Variants in RAPGEF4 observed in about 807,000 individuals in gnomAD.
RAPGEF4 encodes RAP guanine-nucleotide-exchange factor (GEF) 4.
RAPGEF4 carries 66 observed loss-of-function variants against 147.9 expected under a neutral mutation model. That is an observed-to-expected ratio of 0.45 (90% CI 0.37 to 0.55). The LOEUF is 0.55. Ranked by LOEUF, RAPGEF4 falls within the 20% of genes least tolerant of loss-of-function variation. The pLI, the probability that RAPGEF4 is intolerant of heterozygous loss-of-function variation, is 0.00. For synonymous variants in RAPGEF4, 419 were observed against 442.7 expected (o/e 0.95, Z 0.67); for missense variants, 1,071 against 1,257.3 (o/e 0.85, Z 2.24).
intron 3 of RAPGEF4, among the ~76,000 whole-genome samples, chr2:172,804,690 G>C (rs1220129128): frequency 3.3e-5 from 5 of 152,222 alleles, no homozygotes; most frequent in Admixed American, 3.3e-4. Context: ...AAGGGCACCT[G>C]CTCACAAGCT....
At chr2:172,984,922 T>A (rs2676522) in intron 11 of RAPGEF4, among the ~76,000 whole-genome samples, 53,591 of 151,894 alleles carry the variant, frequency 0.35, 10,510 homozygotes, top group East Asian at 0.76. Context: ...AATTTTTTTT[T>A]AAATGTGAAT....
intron 4 of RAPGEF4, among the ~76,000 whole-genome samples, chr2:172,838,598 A>G (rs1691227999): frequency 6.6e-6 from 1 of 152,116 alleles, no homozygotes; most frequent in Non-Finnish European, 1.5e-5. Flanking sequence ...TCAATTGTAG[A>G]TCTCTTTTAT....
At chr2:172,786,320 C>G (rs1685194182) in intron 1 of RAPGEF4, among the ~76,000 whole-genome samples, 1 of 152,074 alleles carries the variant, frequency 6.6e-6, no homozygotes, top group African/African-American at 2.4e-5. Flanking sequence ...CCTTATTATA[C>G]TATATTCTAA....
At chr2:172,948,037 T>C (rs1687855900) in intron 6 of RAPGEF4, among the ~76,000 whole-genome samples, 1 of 152,224 alleles carries the variant, frequency 6.6e-6, no homozygotes, top group Non-Finnish European at 1.5e-5. Flanking sequence ...TCATCTGGTG[T>C]ATACCTTTTG....
intron 11 of RAPGEF4, among the ~76,000 whole-genome samples, chr2:172,985,050 T>G (rs1176944622): frequency 1.3e-5 from 2 of 152,182 alleles, no homozygotes; most frequent in African/African-American, 4.8e-5. Flanking sequence ...CCATGATGCA[T>G]TATATGTAAT....
At chr2:172,977,586 C>T (rs558533718) in intron 10 of RAPGEF4, among the ~76,000 whole-genome samples, 1 of 151,994 alleles carries the variant, frequency 6.6e-6, no homozygotes, top group Admixed American at 6.5e-5. Flanking sequence ...ACTGAGCCCC[C>T]ACTAGGGTGG....
At chr2:172,849,452 T>C (rs1692577277) in intron 4 of RAPGEF4, among the ~76,000 whole-genome samples, 1 of 152,220 alleles carries the variant, frequency 6.6e-6, no homozygotes, top group Admixed American at 6.5e-5. Flanking sequence ...GGATTGTTTG[T>C]AGAGAAAGTG....
At position 172,850,202 on chromosome 2, in the gene RAPGEF4, C is replaced by A. The variant is rs1692651201; in HGVS notation, c.444+35777C>A. Among the ~76,000 whole-genome samples, 3 of 152,020 alleles carry A rather than the reference C, an allele frequency of 2.0e-5. No homozygotes were observed. In the South Asian group the frequency reaches 6.2e-4, roughly 31 times the overall value. On this transcript the variant is annotated intron_variant, in intron 4 of 30. Coordinates refer to ENST00000397081, the MANE Select transcript of RAPGEF4 (RefSeq NM_007023.4). ...CTTGATGTCTAAAATAAAAATTTAC[C>A]TTTGTTTAAAGGAAACAAAGGAAAA...
chr2:172,797,215 A>C (rs1221636917), intron 2 of RAPGEF4, among the ~76,000 whole-genome samples: 3 of 152,256 alleles, frequency 2.0e-5, no homozygotes, highest in Non-Finnish European at 2.9e-5. Context: ...CTTGGGAAAT[A>C]TCAGCCAATT....
At chr2:172,900,250 G>C (rs182848139) in intron 4 of RAPGEF4, among the ~76,000 whole-genome samples, 12 of 152,156 alleles carry the variant, frequency 7.9e-5, no homozygotes, top group Non-Finnish European at 1.6e-4. Context: ...TGCTGTTATT[G>C]TTGTTTAGAG....
At chr2:173,021,564 G>A (rs1030097578) in intron 23 of RAPGEF4, among the ~76,000 whole-genome samples, 2 of 152,012 alleles carry the variant, frequency 1.3e-5, no homozygotes, top group East Asian at 3.9e-4. Context: ...CTCCAGCCTG[G>A]GCAACAGAGC....
At chr2:172,961,251 C>T (rs778732022) in intron 8 of RAPGEF4, 23 bp downstream of exon 8, 1 of 1,496,512 alleles carries the variant, frequency 6.7e-7, no homozygotes, top group South Asian at 1.1e-5. Flanking sequence ...ATTCTAAAGG[C>T]TGTGCCCCGC....
chr2:172,739,246 A>AT (rs896600053), intron 1 of RAPGEF4, among the ~76,000 whole-genome samples: 20 of 151,862 alleles, frequency 1.3e-4, no homozygotes, highest in Admixed American at 2.6e-4. Context: ...GGATCTTACC[A>AT]TTTTTTTCTG....
chr2:172,843,531 G>A (rs1052551582), intron 4 of RAPGEF4, among the ~76,000 whole-genome samples: 28 of 152,052 alleles, frequency 1.8e-4, no homozygotes, highest in Admixed American at 3.9e-4. Context: ...TAGTCCTTTG[G>A]GATATTACTA....
Position 173,026,160 on chromosome 2 carries a change from G to A in RAPGEF4, c.2254-412G>A, listed in dbSNP as rs769650414. Among the ~76,000 whole-genome samples the A allele has an allele frequency of 1.6e-4, 24 of 152,172 alleles. 1 individual carries two copies. The highest frequency in any genetic ancestry group is 6.2e-4 in the South Asian group (3 of 4,832). ...GCAGGAAGTAGCACTGTGGATGAAC[G>A]TCCCAAACTGCCATGCCGTTACCTG... is the stretch of plus-strand genomic sequence containing the variant. On this transcript the variant is annotated intron_variant, in intron 23 of 30. Coordinates refer to ENST00000397081, the MANE Select transcript of RAPGEF4 (RefSeq NM_007023.4).
intron 21 of RAPGEF4, 110 bp downstream of exon 21, chr2:173,017,614 C>A: frequency 3.8e-6 from 4 of 1,052,134 alleles, no homozygotes; most frequent in Non-Finnish European, 5.5e-6. Flanking sequence ...TGCCCTGTTG[C>A]CCTCCAGATG....
At chr2:172,764,280 C>T (rs1403370212) in intron 1 of RAPGEF4, among the ~76,000 whole-genome samples, 1 of 151,722 alleles carries the variant, frequency 6.6e-6, no homozygotes, top group East Asian at 1.9e-4. Flanking sequence ...GAAAGTAGTA[C>T]TGTCATTTCA....
chr2:172,891,236 A>T (rs894661656), intron 4 of RAPGEF4, among the ~76,000 whole-genome samples: 1 of 152,216 alleles, frequency 6.6e-6, no homozygotes, highest in Non-Finnish European at 1.5e-5. Context: ...TCTCACACCC[A>T]TGAAGACAGC....
intron 4 of RAPGEF4, among the ~76,000 whole-genome samples, chr2:172,881,879 T>C (rs1053679723): frequency 6.6e-6 from 1 of 152,200 alleles, no homozygotes; most frequent in Non-Finnish European, 1.5e-5. Context: ...CTAAAACTGT[T>C]GTGAAGCTAC....
Sources: gnomAD v4.1 joint callset for allele counts (sites outside exome capture counted in the v4.1 genomes callset) on GRCh38, gnomAD v4.1.1 for gene constraint, MANE v1.5 for transcripts, NCBI Gene and HGNC (gene_info 2026-07-23, HGNC 2026-07-21) for gene names.